The following ST18 variants were observed in gnomAD, a reference collection of about 807,000 sequenced individuals.
The protein encoded by ST18 is suppression of tumorigenicity 18 protein.
Under a neutral mutation model 110.0 loss-of-function variants are expected in ST18, and 50 were observed. That is an observed-to-expected ratio of 0.45 (90% CI 0.36 to 0.58). The LOEUF is 0.58. Ranked by LOEUF, ST18 falls within the 20% of genes least tolerant of loss-of-function variation. The probability of loss-of-function intolerance (pLI) is 0.00; values close to 1 mark genes in which losing one functional copy is unlikely to be tolerated. For missense variants in ST18, 1,306 were observed against 1,280.1 expected, an observed-to-expected ratio of 1.02 and a Z score of -0.31; for synonymous variants, 461 against 452.4, an observed-to-expected ratio of 1.02 and a Z score of -0.24.
At chr8:52,371,498 C>T (rs190231445) in intron 2 of ST18, among the ~76,000 whole-genome samples, 156 of 152,084 alleles carry the variant, frequency 1.0e-3, no homozygotes, top group Middle Eastern at 3.4e-3. Context: ...TGAAAAGACA[C>T]CAAGATATTA....
intron 2 of ST18, among the ~76,000 whole-genome samples, chr8:52,233,608 T>G (rs1362630942): frequency 6.6e-6 from 1 of 151,416 alleles, no homozygotes; most frequent in East Asian, 1.9e-4. Flanking sequence ...TCTGGTTATT[T>G]GAACATCTGA....
chr8:52,378,222 A>G (rs892096885), intron 2 of ST18, among the ~76,000 whole-genome samples: 6 of 152,190 alleles, frequency 3.9e-5, no homozygotes, highest in Non-Finnish European at 7.4e-5. Context: ...AGTTTATCAT[A>G]TATTTTAAGA....
At chr8:52,330,079 A>T (rs1168255605) in intron 2 of ST18, among the ~76,000 whole-genome samples, 2 of 152,240 alleles carry the variant, frequency 1.3e-5, no homozygotes, top group Non-Finnish European at 2.9e-5. Flanking sequence ...GGCAAAAAAC[A>T]TTAAAAATGA....
intron 17 of ST18, among the ~76,000 whole-genome samples, chr8:52,138,186 T>C (rs1305547464): frequency 2.0e-5 from 3 of 152,048 alleles, no homozygotes; most frequent in Non-Finnish European, 4.4e-5. Context: ...ATAGCAGATC[T>C]TAGGAACACC....
intron 2 of ST18, among the ~76,000 whole-genome samples, chr8:52,368,732 TA>T (rs533157772): frequency 2.0e-5 from 3 of 151,320 alleles, no homozygotes; most frequent in East Asian, 1.9e-4. Context: ...TTCAAACATC[TA>T]AAAAAAATGC....
In ST18 at chr8:52,289,211, G is replaced by C. The variant is rs149527181; in HGVS notation, c.-464-59134C>G. Among the ~76,000 whole-genome samples, 143 of 152,324 alleles carry C rather than the reference G, an allele frequency of 9.4e-4. 1 individual carries two copies. Among genetic ancestry groups the C allele is most frequent in the African/African-American group, 3.3e-3 (136 of 41,566 alleles). ...AAGCCTGGGTCTTAGGCCAGGCACA[G>C]TGGGTCATGCCTATGATCCCAGCAA... On this transcript the variant is annotated intron_variant, in intron 2 of 25. Transcript: ENST00000689386.
At chr8:52,190,442 A>G (rs1198309613) in intron 8 of ST18, among the ~76,000 whole-genome samples, 1 of 152,164 alleles carries the variant, frequency 6.6e-6, no homozygotes, top group Non-Finnish European at 1.5e-5. Flanking sequence ...GGACCCTACA[A>G]GACTGATCCT....
At position 52,133,309 on chromosome 8, in the gene ST18, G is replaced by T. The variant is rs769642201; in HGVS notation, c.2301-8C>A. ...CAGCCTGGGGTTGGACACCTGGAAGGCACAGGAAGAGAGCATGGGCTGAGA... is the reference window on the plus strand; with the variant it reads ...CAGCCTGGGGTTGGACACCTGGAAGTCACAGGAAGAGAGCATGGGCTGAGA... On this transcript the variant is annotated splice_polypyrimidine_tract_variant and splice_region_variant and intron_variant, in intron 19 of 25. Transcript: ENST00000689386. The T allele has an allele frequency of 6.2e-7, 1 of 1,614,148 alleles. No individual in the cohort carries two copies. The highest frequency in any genetic ancestry group is 1.6e-4 in the Middle Eastern group (1 of 6,062).
At chr8:52,151,705 G>A (rs551420479) in intron 15 of ST18, among the ~76,000 whole-genome samples, 35 of 152,138 alleles carry the variant, frequency 2.3e-4, no homozygotes, top group Non-Finnish European at 4.3e-4. Context: ...CAATGAAACA[G>A]AGCTATAGTA....
chr8:52,146,751 T>C (rs2057415816), intron 16 of ST18, among the ~76,000 whole-genome samples: 1 of 152,182 alleles, frequency 6.6e-6, no homozygotes, highest in South Asian at 2.1e-4. Flanking sequence ...TTTTCAAGAT[T>C]CAGAACAGGA....
At position 52,180,219 on chromosome 8, in the gene ST18, C is replaced by A; in HGVS notation, c.180G>T (p.Lys60Asn). The A allele has an allele frequency of 6.2e-7, 1 of 1,614,146 alleles. No homozygotes were observed. Residue 60 changes from lysine to asparagine, a missense_variant, in exon 9 of 26, where the codon AAG (lysine) becomes AAT (asparagine). Coordinates refer to ENST00000689386, the MANE Select transcript of ST18 (RefSeq NM_001352837.2). ...PVNKRKSLLM[K>N]PRHYSPKADC... ...CTGCTTTTGGGCTGTAGTGTCGGGG[C>A]TTCATTAGCAGGGATTTCCTTTTGT...
chr8:52,142,811 G>T, intron 17 of ST18, 119 bp downstream of exon 17: 1 of 710,052 alleles, frequency 1.4e-6, no homozygotes. Flanking sequence ...ACGTTTAACT[G>T]CTGACTGGTA....
chr8:52,361,742 T>G (rs572682109), intron 2 of ST18, among the ~76,000 whole-genome samples: 2 of 152,324 alleles, frequency 1.3e-5, no homozygotes, highest in South Asian at 4.1e-4. Context: ...TTAACATCTC[T>G]AAGAACAAAT....
intron 8 of ST18, among the ~76,000 whole-genome samples, chr8:52,211,760 C>T (rs962499197): frequency 6.6e-6 from 1 of 152,042 alleles, no homozygotes; most frequent in African/African-American, 2.4e-5. Context: ...CTTCCCTGAC[C>T]ATCAGTGTGA....
chr8:52,382,068 C>T (rs1052891033), intron 2 of ST18, among the ~76,000 whole-genome samples: 11 of 151,488 alleles, frequency 7.3e-5, no homozygotes, highest in Non-Finnish European at 1.6e-4. Flanking sequence ...GCATGTGATT[C>T]AATAGTAGTT....
intron 2 of ST18, among the ~76,000 whole-genome samples, chr8:52,389,030 G>C (rs868327028): frequency 4.0e-5 from 6 of 151,572 alleles, no homozygotes; most frequent in Non-Finnish European, 8.8e-5. Context: ...AGAGAGAAGG[G>C]CAGACCAGGG....
intron 15 of ST18, among the ~76,000 whole-genome samples, chr8:52,156,297 C>T (rs1282176224): frequency 2.0e-5 from 3 of 152,208 alleles, no homozygotes; most frequent in Non-Finnish European, 4.4e-5. Context: ...GGATGTCTTG[C>T]TAATATACCA....
intron 8 of ST18, chr8:52,209,972 C>T: frequency 2.3e-6 from 1 of 437,584 alleles, no homozygotes; most frequent in South Asian, 1.6e-5. Flanking sequence ...CCAATGTACA[C>T]ACATTAATTC....
chr8:52,174,292 T>A (rs1219124631), intron 9 of ST18, among the ~76,000 whole-genome samples: 1 of 152,258 alleles, frequency 6.6e-6, no homozygotes, highest in Non-Finnish European at 1.5e-5. Flanking sequence ...GAAGTTTTTC[T>A]CAATATCACA....
Sources: allele counts gnomAD v4.1 joint callset (sites outside exome capture counted in the v4.1 genomes callset), GRCh38; gene constraint gnomAD v4.1.1; transcripts MANE v1.5; gene names NCBI Gene and HGNC (gene_info 2026-07-23, HGNC 2026-07-21).